LSAMP: variants seen among roughly 807,000 people sequenced by gnomAD.
LSAMP encodes limbic system-associated membrane protein.
A neutral mutation model predicts 38.6 loss-of-function variants in LSAMP; 7 were observed. The ratio of observed to expected loss-of-function variants is 0.18; its 90% CI spans 0.10 to 0.34. LSAMP has a LOEUF of 0.34. Among genes scored for constraint, LSAMP ranks in the 10% least tolerant of loss-of-function variants. The probability of loss-of-function intolerance (pLI) is 1.00; values close to 1 mark genes in which losing one functional copy is unlikely to be tolerated. For missense variants in LSAMP, 313 were observed against 420.0 expected, an observed-to-expected ratio of 0.75 and a Z score of 2.23; for synonymous variants, 154 against 166.8, an observed-to-expected ratio of 0.92 and a Z score of 0.59.
At chr3:116,207,958 A>T (rs4061036) in intron 1 of LSAMP, among the ~76,000 whole-genome samples, 72,281 of 133,724 alleles carry the variant, frequency 0.54, 17,886 homozygotes, top group Middle Eastern at 0.69. Context: ...GCCTTGCTAG[A>T]TTGGGGAAGT....
chr3:116,356,889 G>A (rs1187397250), intron 1 of LSAMP, among the ~76,000 whole-genome samples: 2 of 152,254 alleles, frequency 1.3e-5, no homozygotes. Flanking sequence ...CGCCTCCTGG[G>A]TTCACGCCAT....
At chr3:116,344,005 T>C (rs373944226) in intron 1 of LSAMP, among the ~76,000 whole-genome samples, 4 of 152,232 alleles carry the variant, frequency 2.6e-5, no homozygotes. Flanking sequence ...TTAGGTAATA[T>C]TCATGGAAAA....
At chr3:115,820,022 CT>C (rs34311842) in intron 6 of LSAMP, among the ~76,000 whole-genome samples, 28,881 of 145,382 alleles carry the variant, frequency 0.2, 2,953 homozygotes, top group Admixed American at 0.26. Flanking sequence ...GAAATAAACA[CT>C]TTTTTTTTTT....
chr3:116,023,681 A>G (rs985437918), intron 2 of LSAMP, among the ~76,000 whole-genome samples: 12 of 151,420 alleles, frequency 7.9e-5, no homozygotes, highest in Non-Finnish European at 1.2e-4. Flanking sequence ...CATTCACCAC[A>G]CTACAATCAG....
chr3:115,929,851 A>G (rs1258910670), intron 3 of LSAMP, among the ~76,000 whole-genome samples: 1 of 151,650 alleles, frequency 6.6e-6, no homozygotes, highest in Non-Finnish European at 1.5e-5. Context: ...TTGGAGTTCT[A>G]CTCTTTGTTT....
chr3:116,414,438 T>C (rs954093903), intron 1 of LSAMP, among the ~76,000 whole-genome samples: 6 of 152,148 alleles, frequency 3.9e-5, no homozygotes, highest in African/African-American at 1.4e-4. Context: ...GTTCATTCAT[T>C]CATCTATTTA....
chr3:116,415,762 T>C (rs745817948), intron 1 of LSAMP, among the ~76,000 whole-genome samples: 2 of 152,128 alleles, frequency 1.3e-5, no homozygotes, highest in South Asian at 2.1e-4. Context: ...GCTGCTGATA[T>C]TGAATTAACA....
chr3:115,879,013 C>T (rs1936257568), intron 3 of LSAMP, among the ~76,000 whole-genome samples: 1 of 152,068 alleles, frequency 6.6e-6, no homozygotes, highest in Admixed American at 6.6e-5. Flanking sequence ...ACACATGTCT[C>T]AAAATGTTGA....
intron 1 of LSAMP, among the ~76,000 whole-genome samples, chr3:116,274,424 G>T (rs2047019675): frequency 6.6e-6 from 1 of 152,060 alleles, no homozygotes; most frequent in African/African-American, 2.4e-5. Flanking sequence ...TGACTGAAAC[G>T]AATACCACTG....
chr3:116,243,812 T>A (rs973806344), intron 1 of LSAMP, among the ~76,000 whole-genome samples: 21 of 152,160 alleles, frequency 1.4e-4, no homozygotes, highest in Non-Finnish European at 2.2e-4. Flanking sequence ...ATTTGTGACA[T>A]TTTTCTTTTT....
chr3:115,804,518 A>G lies in LSAMP; in HGVS notation c.*5799T>C, dbSNP rs1220761339. On this transcript the variant is annotated 3_prime_UTR_variant, in exon 7 of 7. Transcript: ENST00000490035. ...AGTTTATCTTAGATGATGAGGAAGC[A>G]GTACCAAGAAGACACTTGGGGGTTG... 6.6e-6 allele frequency: 1 copy of G among 152,152 alleles called. No individual in the cohort carries two copies. The highest frequency in any genetic ancestry group is 1.5e-5 in the Non-Finnish European group (1 of 68,030). The allele number at this position is 152,152 out of a possible 1,614,324, so 9.4% of individuals were successfully genotyped here. A position where few individuals can be genotyped will look rare whatever the true frequency, so the allele number is the denominator to read the frequency against.
chr3:116,149,790 A>C lies in LSAMP; in HGVS notation c.156-63234T>G, dbSNP rs187017129. ...TACTTCTTTTTTGATGGAGCTCTTG[A>C]ATAAATATCTTTCATAAAAGGCTCT... On this transcript the variant is annotated intron_variant, in intron 1 of 6. Coordinates refer to ENST00000490035, the MANE Select transcript of LSAMP (RefSeq NM_002338.5). Among the ~76,000 whole-genome samples the C allele has an allele frequency of 1.7e-4, 26 of 152,130 alleles. No individual in the cohort carries two copies. The East Asian group carries it at 5.0e-3, about 29-fold the overall frequency.
At chr3:115,873,012 G>A (rs1017467130) in intron 3 of LSAMP, among the ~76,000 whole-genome samples, 4 of 152,072 alleles carry the variant, frequency 2.6e-5, no homozygotes, top group Non-Finnish European at 5.9e-5. Context: ...ATTCATAAAT[G>A]TGGTTGAGAC....
At chr3:116,031,477 C>T (rs148170063) in intron 2 of LSAMP, among the ~76,000 whole-genome samples, 1 of 137,042 alleles carries the variant, frequency 7.3e-6, no homozygotes, top group Admixed American at 7.9e-5. Flanking sequence ...AGAGATAACT[C>T]TGGTGCTTGT....
At chr3:115,898,660 A>G (rs1024199448) in intron 3 of LSAMP, among the ~76,000 whole-genome samples, 1 of 151,800 alleles carries the variant, frequency 6.6e-6, no homozygotes, top group Non-Finnish European at 1.5e-5. Flanking sequence ...TTAACAAGAT[A>G]CAATTAGATT....
chr3:116,127,695 ATTTTTT>A (rs67470158), intron 1 of LSAMP, among the ~76,000 whole-genome samples: 39 of 96,652 alleles, frequency 4.0e-4, no homozygotes, highest in African/African-American at 1.3e-3. Flanking sequence ...GTGTTTGTTC[ATTTTTT>A]TTTTTTTTTT....
chr3:115,952,549 G>A (rs1559894489), intron 3 of LSAMP, among the ~76,000 whole-genome samples: 1 of 152,198 alleles, frequency 6.6e-6, no homozygotes, highest in Non-Finnish European at 1.5e-5. Flanking sequence ...TAGTGCAACG[G>A]ACTTTGGGGA....
At chr3:116,322,534 G>A (rs1415680899) in intron 1 of LSAMP, among the ~76,000 whole-genome samples, 1 of 152,114 alleles carries the variant, frequency 6.6e-6, no homozygotes, top group Non-Finnish European at 1.5e-5. Flanking sequence ...TCTTAACATT[G>A]AGAATGTTTA....
At chr3:116,142,187 A>T (rs1056826456) in intron 1 of LSAMP, among the ~76,000 whole-genome samples, 2 of 152,016 alleles carry the variant, frequency 1.3e-5, no homozygotes, top group Non-Finnish European at 2.9e-5. Context: ...CTGCTGTAGG[A>T]GTTCAGTGTA....
Sources: gnomAD v4.1 joint callset for allele counts (sites outside exome capture counted in the v4.1 genomes callset) on GRCh38, gnomAD v4.1.1 for gene constraint, MANE v1.5 for transcripts, NCBI Gene and HGNC (gene_info 2026-07-23, HGNC 2026-07-21) for gene names.